Variants in WRNIP1 observed in about 807,000 individuals in gnomAD.
WRNIP1 encodes the protein ATPase WRNIP1.
A neutral mutation model predicts 56.1 loss-of-function variants in WRNIP1; 41 were observed. The ratio of observed to expected loss-of-function variants is 0.73; its 90% CI spans 0.57 to 0.95. The LOEUF is 0.95. WRNIP1 is among the 40% of genes least tolerant of loss of function. The probability of loss-of-function intolerance (pLI) is 0.00; values close to 1 mark genes in which losing one functional copy is unlikely to be tolerated. For missense variants in WRNIP1, 1,170 were observed against 939.4 expected, an observed-to-expected ratio of 1.25 and a Z score of -3.21; for synonymous variants, 547 against 398.1, an observed-to-expected ratio of 1.37 and a Z score of -4.45.
In WRNIP1 at chr6:2,783,551, C is replaced by T. The variant is rs761945631; in HGVS notation, c.1632C>T (p.Ser544=). The change falls in exon 5 of 7, where the codon AGC becomes AGT. Residue 544 remains serine, a synonymous_variant. Coordinates refer to ENST00000380773, the MANE Select transcript of WRNIP1 (RefSeq NM_020135.3). The stretch of plus-strand genomic sequence containing the variant: ...CACGGAGGCTTGTCAGGTTTGCCAG[C>T]GAGGACATAGGTGAGTGTGATGGGA... ...YVARRLVRFA[S]EDIGLADPSA... 4.2e-5 allele frequency: 67 copies of T among 1,605,274 alleles called. No individual in the cohort carries two copies. Among genetic ancestry groups the T allele is most frequent in the South Asian group, 2.0e-4 (18 of 90,528 alleles).
At chr6:2,776,576 C>T (rs1765436567) in intron 3 of WRNIP1, among the ~76,000 whole-genome samples, 1 of 152,136 alleles carries the variant, frequency 6.6e-6, no homozygotes, top group Admixed American at 6.5e-5. Flanking sequence ...CAAAGGAAGA[C>T]CTTATTTTCC....
At chr6:2,783,167 A>G (rs1765608778) in intron 4 of WRNIP1, among the ~76,000 whole-genome samples, 1 of 152,102 alleles carries the variant, frequency 6.6e-6, no homozygotes, top group Admixed American at 6.5e-5. Flanking sequence ...CGTGCACTCC[A>G]TGTCGACAGC....
Position 2,783,124 on chromosome 6 carries a change from C to G in WRNIP1, c.1487-282C>G, listed in dbSNP as rs543092017. 9.2e-5 allele frequency among the ~76,000 whole-genome samples: 14 copies of G among 152,304 alleles called. 1 individual carries two copies. The South Asian group carries it at 2.9e-3, about 32-fold the overall frequency. ...CTGGCAAATCCACCAGCTGGGAGGA[C>G]CACCTTTCCTCCCTCCTGCCTCTGT... On this transcript the variant is annotated intron_variant, in intron 4 of 6. Transcript: ENST00000380773.
In WRNIP1 at chr6:2,779,385, T is replaced by G; in HGVS notation, c.1379T>G (p.Met460Arg). The change falls in exon 4 of 7, where the codon ATG (methionine) becomes AGG (arginine). Residue 460 changes from methionine to arginine, a missense_variant. Met to Arg is a moderately conservative substitution (Grantham distance 91). Transcript: ENST00000380773. ...AVLARLSSRKMFCKKSGQSYS... is the reference protein window; with the variant it reads ...AVLARLSSRKRFCKKSGQSYS... ...CTGGCTAGGTTAAGCTCTAGGAAGA[T>G]GTTCTGTAAGAAGAGTGGGCAATCC... 6.2e-7 allele frequency: 1 copy of G among 1,614,190 alleles called. No homozygotes were observed. The highest frequency in any genetic ancestry group is 8.5e-7 in the Non-Finnish European group (1 of 1,180,042).
intron 1 of WRNIP1, 65 bp downstream of exon 1, chr6:2,766,509 G>A: frequency 6.9e-7 from 1 of 1,440,126 alleles, no homozygotes; most frequent in Non-Finnish European, 9.2e-7. Context: ...CTGATGGTCG[G>A]AGAGCCGGGT....
chr6:2,785,203 T>C lies in WRNIP1; in HGVS notation c.1919T>C (p.Met640Thr), dbSNP rs1765681323. 1.9e-6 allele frequency: 3 copies of C among 1,614,048 alleles called. No individual in the cohort carries two copies. The highest frequency in any genetic ancestry group is 2.7e-5 in the African/African-American group (2 of 74,908). ...GYGKGYKYNPMYSEPVDQEYL... is the reference protein window; with the variant it reads ...GYGKGYKYNPTYSEPVDQEYL... ...GGCAAAGGCTACAAGTACAACCCCATGTACAGCGAGCCTGTGGATCAGGAG... is the reference window on the plus strand; with the variant it reads ...GGCAAAGGCTACAAGTACAACCCCACGTACAGCGAGCCTGTGGATCAGGAG... The change falls in exon 7 of 7, where the codon ATG becomes ACG. Residue 640 changes from methionine to threonine, a missense_variant. Physicochemically the swap from Met to Thr is moderately conservative, Grantham distance 81. Coordinates refer to ENST00000380773, the MANE Select transcript of WRNIP1 (RefSeq NM_020135.3).
Position 2,768,590 on chromosome 6 carries a change from G to C in WRNIP1, c.823-101G>C, listed in dbSNP as rs569311221. Reference sequence around the variant, plus strand: ...CTCAGCATTCTTCCGAGGTCAAGTTGCTTTTGGTAAATAGTGATGCTGCGT... The same window carrying C: ...CTCAGCATTCTTCCGAGGTCAAGTTCCTTTTGGTAAATAGTGATGCTGCGT... On this transcript the variant is annotated intron_variant, in intron 1 of 6. Transcript: ENST00000380773. 1.0e-5 allele frequency: 10 copies of C among 982,760 alleles called. No individual in the cohort carries two copies. The South Asian group carries it at 2.3e-4, about 22-fold the overall frequency. The allele number at this position is 982,760 out of a possible 1,614,324, so 60.9% of individuals were successfully genotyped here. A position where few individuals can be genotyped will look rare whatever the true frequency, so the allele number is the denominator to read the frequency against.
At chr6:2,773,193 A>T (rs960130895) in intron 3 of WRNIP1, 6 of 985,318 alleles carry the variant, frequency 6.1e-6, no homozygotes, top group African/African-American at 3.5e-5. Flanking sequence ...TTTTAAAAAA[A>T]AATTCCCTCC....
intron 2 of WRNIP1, among the ~76,000 whole-genome samples, 158 bp from the exon 3 acceptor site, chr6:2,769,962 A>G (rs748750806): frequency 1.3e-5 from 2 of 152,194 alleles, no homozygotes; most frequent in African/African-American, 4.8e-5. Context: ...TACTCCCCCA[A>G]ATATTGCATC....
At chr6:2,778,309 C>T (rs1765478229) in intron 3 of WRNIP1, among the ~76,000 whole-genome samples, 1 of 152,156 alleles carries the variant, frequency 6.6e-6, no homozygotes, top group Non-Finnish European at 1.5e-5. Context: ...TGAACTGTAA[C>T]TGAAAAATTT....
At chr6:2,774,382 C>A in intron 3 of WRNIP1, 1 of 676,620 alleles carries the variant, frequency 1.5e-6, no homozygotes, top group Non-Finnish European at 1.8e-6. Flanking sequence ...ATCAACAAGG[C>A]GATGCTCTCA....
intron 3 of WRNIP1, among the ~76,000 whole-genome samples, chr6:2,772,217 ATAAT>A (rs1279007142): frequency 6.6e-6 from 1 of 152,274 alleles, no homozygotes; most frequent in Non-Finnish European, 1.5e-5. Flanking sequence ...ATCAAGTGAA[ATAAT>A]TAAGATTTAG....
At chr6:2,783,589 C>T in intron 5 of WRNIP1, 28 bp downstream of exon 5, 13 of 1,322,704 alleles carry the variant, frequency 9.8e-6, no homozygotes, top group Non-Finnish European at 1.3e-5. Flanking sequence ...GTCCCGGAGT[C>T]CTATGTCCAT....
chr6:2,784,877 C>T lies in WRNIP1; in HGVS notation c.1723-130C>T, dbSNP rs1400120152. The T allele has an allele frequency of 9.1e-6, 11 of 1,211,254 alleles. No homozygotes were observed. In the African/African-American group the frequency reaches 9.1e-5, roughly 10 times the overall value. 75.0% of individuals were successfully genotyped at this position (1,211,254 alleles called of 1,614,324 possible). On this transcript the variant is annotated intron_variant, in intron 6 of 6. Coordinates refer to ENST00000380773, the MANE Select transcript of WRNIP1 (RefSeq NM_020135.3). ...CGTAGGTGGTTATCCAGACTGTAGGCGCAAAAGGGGGATAATAAAAGCATG... is the reference window on the plus strand; with the variant it reads ...CGTAGGTGGTTATCCAGACTGTAGGTGCAAAAGGGGGATAATAAAAGCATG...
chr6:2,779,329 A>G lies in WRNIP1; in HGVS notation c.1323A>G (p.Arg441=), dbSNP rs1429319192. 6.2e-7 allele frequency: 1 copy of G among 1,614,170 alleles called. No homozygotes were observed. The highest frequency in any genetic ancestry group is 2.2e-5 in the East Asian group (1 of 44,878). The change falls in exon 4 of 7, where the codon CGA becomes CGG. Residue 441 remains arginine (R), a synonymous_variant. Coordinates refer to ENST00000380773, the MANE Select transcript of WRNIP1 (RefSeq NM_020135.3). ...TLAYLSDGDA[R]AGLNGLQLAV... ...CTTACCTCAGTGACGGTGACGCCCG[A>G]GCTGGGTTGAACGGACTGCAGCTGG...
intron 4 of WRNIP1, among the ~76,000 whole-genome samples, chr6:2,782,604 C>T (rs1451735997): frequency 6.6e-6 from 1 of 152,192 alleles, no homozygotes; most frequent in Non-Finnish European, 1.5e-5. Context: ...GGAGGGTGCC[C>T]CCTCCTTGAA....
chr6:2,784,343 G>A lies in WRNIP1; in HGVS notation c.1662G>A (p.Ala554=), dbSNP rs150885902. 6.1e-5 allele frequency: 98 copies of A among 1,614,062 alleles called. No individual in the cohort carries two copies. The highest frequency in any genetic ancestry group is 1.8e-4 in the East Asian group (8 of 44,888). ...SEDIGLADPS[A]LTQAVAAYQG... ...TGGCAGGTCTGGCAGACCCGTCTGC[G>A]TTAACACAAGCGGTTGCTGCCTACC... Residue 554 remains alanine, a synonymous_variant, in exon 6 of 7, where the codon GCG becomes GCA. Transcript: ENST00000380773.
chr6:2,784,321 C>T lies in WRNIP1; in HGVS notation c.1643-3C>T. On this transcript the variant is annotated splice_region_variant and splice_polypyrimidine_tract_variant and intron_variant, in intron 5 of 6. Transcript: ENST00000380773. ...AACTCTCCTTTGTCTCTGTGTGTGG[C>T]AGGTCTGGCAGACCCGTCTGCGTTA... 6.2e-7 allele frequency: 1 copy of T among 1,612,824 alleles called. No homozygotes were observed. Among genetic ancestry groups the T allele is most frequent in the South Asian group, 1.1e-5 (1 of 90,984 alleles).
chr6:2,782,347 C>T (rs1765581278), intron 4 of WRNIP1, among the ~76,000 whole-genome samples: 1 of 152,270 alleles, frequency 6.6e-6, no homozygotes. Flanking sequence ...TGCCCTGGCT[C>T]TCAGAAACCA....
Sources: gnomAD v4.1 joint callset for allele counts (sites outside exome capture counted in the v4.1 genomes callset) on GRCh38, gnomAD v4.1.1 for gene constraint, MANE v1.5 for transcripts, NCBI Gene and HGNC (gene_info 2026-07-23, HGNC 2026-07-21) for gene names.